CNTNAP2: variants seen among roughly 807,000 people sequenced by gnomAD.
The protein encoded by CNTNAP2 is contactin-associated protein-like 2.
In CNTNAP2, 98 loss-of-function variants were observed where a neutral mutation model predicts 155.2. The ratio of observed to expected loss-of-function variants is 0.63; its 90% confidence interval spans 0.54 to 0.75. CNTNAP2 has a LOEUF of 0.75. Ranked by LOEUF, CNTNAP2 falls within the 30% of genes least tolerant of loss-of-function variation. CNTNAP2 has a pLI of 0.00. For missense variants in CNTNAP2, 1,727 were observed against 1,688.1 expected (o/e 1.02, Z -0.40); for synonymous variants, 651 against 631.2 (o/e 1.03, Z -0.47).
At chr7:147,208,864 A>T (rs1803076485) in intron 8 of CNTNAP2, among the ~76,000 whole-genome samples, 1 of 152,160 alleles carries the variant, frequency 6.6e-6, no homozygotes, top group South Asian at 2.1e-4. Context: ...CATTAAAGAA[A>T]ATAATAAACT....
Position 147,783,907 on chromosome 7 carries a change from A to G in CNTNAP2, c.2099-119658A>G, listed in dbSNP as rs190379237. ...CCAAAACTGTAAGAAATAAATTTCTATAGTTTGCAAGCCACCCAGTTTATG... is the reference window on the plus strand; with the variant it reads ...CCAAAACTGTAAGAAATAAATTTCTGTAGTTTGCAAGCCACCCAGTTTATG... On this transcript the variant is annotated intron_variant, in intron 13 of 23. Coordinates refer to ENST00000361727, the MANE Select transcript of CNTNAP2 (RefSeq NM_014141.6). 1.7e-3 allele frequency among the ~76,000 whole-genome samples: 261 copies of G among 152,304 alleles called. 1 individual carries two copies. Among genetic ancestry groups the G allele is most frequent in the Non-Finnish European group, 3.0e-3 (206 of 68,020 alleles).
chr7:147,092,934 G>T (rs1800439097), intron 4 of CNTNAP2, among the ~76,000 whole-genome samples: 1 of 152,050 alleles, frequency 6.6e-6, no homozygotes, highest in Non-Finnish European at 1.5e-5. Flanking sequence ...GGAAGGAAAA[G>T]GGGTATGGCC....
chr7:147,334,725 A>AC lies in CNTNAP2; in HGVS notation c.1498+34439dup, dbSNP rs531316486. Among the ~76,000 whole-genome samples the AC allele has an allele frequency of 3.8e-3, 580 of 152,168 alleles. 3 individuals carry two copies. The Middle Eastern group carries it at 0.044, about 12-fold the overall frequency. On this transcript the variant is annotated intron_variant, in intron 9 of 23. Coordinates refer to ENST00000361727, the MANE Select transcript of CNTNAP2 (RefSeq NM_014141.6). ...TCTGCAGTGTGACTCCCTTACTGTC[A>AC]CCCCTAGCTGTCTAGCAAATCTAAC... is the stretch of plus-strand genomic sequence containing the variant.
intron 13 of CNTNAP2, among the ~76,000 whole-genome samples, chr7:147,903,301 T>C (rs1799905594): frequency 6.6e-6 from 1 of 152,248 alleles, no homozygotes; most frequent in South Asian, 2.1e-4. Context: ...TTCATAGCCT[T>C]AGCCCACTTT....
At chr7:146,555,124 T>C (rs1244695939) in intron 1 of CNTNAP2, among the ~76,000 whole-genome samples, 2 of 152,128 alleles carry the variant, frequency 1.3e-5, no homozygotes, top group African/African-American at 4.8e-5. Flanking sequence ...GTGGAGTGAA[T>C]GGCACAGACC....
intron 20 of CNTNAP2, among the ~76,000 whole-genome samples, chr7:148,241,353 G>C (rs1304432578): frequency 6.6e-6 from 1 of 152,148 alleles, no homozygotes; most frequent in Non-Finnish European, 1.5e-5. Flanking sequence ...GGCTCTTTGG[G>C]ACTATGGTTT....
chr7:146,155,872 T>A (rs1390315416), intron 1 of CNTNAP2, among the ~76,000 whole-genome samples: 3 of 151,732 alleles, frequency 2.0e-5, no homozygotes, highest in East Asian at 1.9e-4. Context: ...ACTAATTTTT[T>A]TTTGTATTTT....
At chr7:147,125,866 C>T (rs182462414) in intron 6 of CNTNAP2, among the ~76,000 whole-genome samples, 250 of 152,276 alleles carry the variant, frequency 1.6e-3, no homozygotes, top group African/African-American at 5.2e-3. Context: ...AATGGATGCA[C>T]GTTTATTCTC....
At chr7:147,060,868 A>AAAAT (rs1554431734) in intron 4 of CNTNAP2, among the ~76,000 whole-genome samples, 10 of 151,822 alleles carry the variant, frequency 6.6e-5, no homozygotes, top group Admixed American at 2.0e-4. Flanking sequence ...TGTCTCAAAA[A>AAAAT]AAAAATAGAA....
At chr7:146,992,583 C>T (rs1235427564) in intron 3 of CNTNAP2, among the ~76,000 whole-genome samples, 1 of 152,148 alleles carries the variant, frequency 6.6e-6, no homozygotes, top group African/African-American at 2.4e-5. Flanking sequence ...CTCCTGCCCC[C>T]TGCAAATGGA....
At chr7:147,522,795 A>C (rs901113977) in intron 11 of CNTNAP2, among the ~76,000 whole-genome samples, 21 of 151,966 alleles carry the variant, frequency 1.4e-4, no homozygotes, top group East Asian at 3.9e-4. Context: ...AACAAAAAAA[A>C]AAAAACCTAC....
intron 3 of CNTNAP2, among the ~76,000 whole-genome samples, chr7:146,884,369 G>T (rs1034639724): frequency 1.2e-4 from 18 of 152,128 alleles, no homozygotes; most frequent in African/African-American, 4.3e-4. Flanking sequence ...TAAAATTGGA[G>T]GAAGAATAAA....
At chr7:146,368,143 A>G (rs2129102217) in intron 1 of CNTNAP2, among the ~76,000 whole-genome samples, 1 of 151,984 alleles carries the variant, frequency 6.6e-6, no homozygotes, top group East Asian at 1.9e-4. Flanking sequence ...GTCCTTGCTG[A>G]CCTTTGTATG....
chr7:148,398,816 G>C (rs1799525747), intron 22 of CNTNAP2, among the ~76,000 whole-genome samples: 1 of 152,180 alleles, frequency 6.6e-6, no homozygotes, highest in Non-Finnish European at 1.5e-5. Context: ...GTCTCCTGAA[G>C]ACTTTCATCT....
At position 147,937,601 on chromosome 7, in the gene CNTNAP2, G is replaced by A. The variant is rs943891286; in HGVS notation, c.2255+33880G>A. Among the ~76,000 whole-genome samples the A allele has an allele frequency of 3.3e-5, 5 of 152,136 alleles. 1 individual carries two copies. The highest frequency in any genetic ancestry group is 3.3e-4 in the Admixed American group (5 of 15,284). The stretch of plus-strand genomic sequence containing the variant: ...TTCTTATTCTCTCTCCATGCGGCAT[G>A]GGCACTCTCTCTCCTGCCTGAGTCA... On this transcript the variant is annotated intron_variant, in intron 14 of 23. Coordinates refer to ENST00000361727, the MANE Select transcript of CNTNAP2 (RefSeq NM_014141.6).
At chr7:146,753,432 A>G (rs1801940262) in intron 1 of CNTNAP2, among the ~76,000 whole-genome samples, 1 of 152,012 alleles carries the variant, frequency 6.6e-6, no homozygotes, top group South Asian at 2.1e-4. Context: ...ATGATGACCT[A>G]TTTATGTTGC....
chr7:148,393,294 C>T (rs922356519), intron 22 of CNTNAP2, among the ~76,000 whole-genome samples: 2 of 152,126 alleles, frequency 1.3e-5, no homozygotes, highest in African/African-American at 4.8e-5. Flanking sequence ...ATTTTTATCT[C>T]TCACACTCAG....
At chr7:147,285,103 T>A (rs956469312) in intron 8 of CNTNAP2, among the ~76,000 whole-genome samples, 1 of 151,970 alleles carries the variant, frequency 6.6e-6, no homozygotes, top group African/African-American at 2.4e-5. Context: ...TTATCTGAAA[T>A]AAGAAACTCT....
At chr7:146,380,764 TCTTG>T (rs762584948) in intron 1 of CNTNAP2, among the ~76,000 whole-genome samples, 33 of 149,570 alleles carry the variant, frequency 2.2e-4, no homozygotes, top group Admixed American at 4.0e-4. Flanking sequence ...AAAAAATATT[TCTTG>T]CTTCTTATGC....
Sources: gnomAD v4.1 joint callset for allele counts (sites outside exome capture counted in the v4.1 genomes callset) on GRCh38, gnomAD v4.1.1 for gene constraint, MANE v1.5 for transcripts, NCBI Gene and HGNC (gene_info 2026-07-23, HGNC 2026-07-21) for gene names.